SHISAL1: variants seen among roughly 807,000 people sequenced by gnomAD.
The protein encoded by SHISAL1 is shisa like 1, also known as protein shisa-like-1.
In SHISAL1, 9 loss-of-function variants were observed where a neutral mutation model predicts 22.6. The observed-to-expected ratio is 0.40, with a 90% CI of 0.24 to 0.70. The LOEUF (loss-of-function observed/expected upper bound fraction) is 0.70, where lower values mean the gene tolerates loss of function less well. Among genes scored for constraint, SHISAL1 ranks in the 30% least tolerant of loss-of-function variants. The pLI, the probability that SHISAL1 is intolerant of heterozygous loss-of-function variation, is 0.39. For synonymous variants in SHISAL1, 119 were observed against 115.4 expected (o/e 1.03, Z -0.20); for missense variants, 246 against 270.6 (o/e 0.91, Z 0.64).
At chr22:44,271,074 T>C (rs569638350) in intron 4 of SHISAL1, among the ~76,000 whole-genome samples, 2 of 152,062 alleles carry the variant, frequency 1.3e-5, no homozygotes, top group African/African-American at 4.8e-5. Flanking sequence ...ATGAGTGGGG[T>C]ACTGAGCTAG....
chr22:44,325,012 G>A, the SHISAL1 span, among the ~76,000 whole-genome samples: 3 of 152,220 alleles, frequency 2.0e-5, no homozygotes, highest in Non-Finnish European at 4.4e-5. Context: ...GGAGGCCAAG[G>A]TGGGTGGATC....
At chr22:44,290,590 C>T (rs896780887) in intron 3 of SHISAL1, among the ~76,000 whole-genome samples, 5 of 151,124 alleles carry the variant, frequency 3.3e-5, no homozygotes, top group Admixed American at 2.0e-4. Context: ...GGCCTCGGGT[C>T]CACGAGACAA....
chr22:44,273,850 G>A (rs950802480), intron 4 of SHISAL1, among the ~76,000 whole-genome samples: 3 of 151,976 alleles, frequency 2.0e-5, no homozygotes, highest in Non-Finnish European at 4.4e-5. Flanking sequence ...AAAACAAATG[G>A]GCAACTCACA....
chr22:44,316,085 G>C (rs1022266027), upstream of SHISAL1, among the ~76,000 whole-genome samples: 1 of 152,166 alleles, frequency 6.6e-6, no homozygotes, highest in African/African-American at 2.4e-5. Context: ...TCCTGCAACA[G>C]GACATGTCAT....
chr22:44,308,911 TG>T (rs67388000), intron 1 of SHISAL1, among the ~76,000 whole-genome samples: 71,132 of 151,722 alleles, frequency 0.47, 17,491 homozygotes, highest in Admixed American at 0.6. Context: ...TCTACTGTCA[TG>T]GGGGGCGGGA....
chr22:44,257,491 C>CT (rs135441), intron 4 of SHISAL1, among the ~76,000 whole-genome samples: 28,598 of 152,230 alleles, frequency 0.19, 2,753 homozygotes, highest in Admixed American at 0.24. Context: ...ATTGAGCCCT[C>CT]TGCCCTGAAC....
chr22:44,300,793 G>A (rs1601801991), intron 2 of SHISAL1, 86 bp downstream of exon 2: 3 of 1,173,120 alleles, frequency 2.6e-6, no homozygotes, highest in Non-Finnish European at 3.8e-6. Context: ...TGTGCCCCCA[G>A]AACCCCAGAT....
chr22:44,317,654 G>A (rs779826954), upstream of SHISAL1, among the ~76,000 whole-genome samples: 1 of 152,156 alleles, frequency 6.6e-6, no homozygotes, highest in Non-Finnish European at 1.5e-5. Context: ...CATGGGGGCC[G>A]AACCCCCAGG....
At chr22:44,254,108 A>G (rs562301715) in intron 4 of SHISAL1, among the ~76,000 whole-genome samples, 17 of 152,276 alleles carry the variant, frequency 1.1e-4, no homozygotes, top group African/African-American at 3.6e-4. Flanking sequence ...TATCTAGACA[A>G]TAACAAAATA....
upstream of SHISAL1, among the ~76,000 whole-genome samples, chr22:44,315,415 C>T (rs1035554342): frequency 6.6e-6 from 1 of 152,082 alleles, no homozygotes; most frequent in African/African-American, 2.4e-5. Flanking sequence ...CGTTTTTTTC[C>T]GGTTCACAGT....
the SHISAL1 span, among the ~76,000 whole-genome samples, chr22:44,329,428 G>A: frequency 2.7e-5 from 4 of 150,878 alleles, no homozygotes; most frequent in Non-Finnish European, 5.9e-5. Context: ...TGGCTCAGGA[G>A]AGCGAGAATG....
chr22:44,266,532 GT>G (rs1569211373), intron 4 of SHISAL1, among the ~76,000 whole-genome samples: 16 of 143,862 alleles, frequency 1.1e-4, no homozygotes, highest in African/African-American at 3.9e-4. Context: ...TGGGGTATGT[GT>G]GTGTGTGTGT....
intron 3 of SHISAL1, among the ~76,000 whole-genome samples, chr22:44,285,946 G>A (rs1224720029): frequency 6.6e-6 from 1 of 152,136 alleles, no homozygotes; most frequent in South Asian, 2.1e-4. Flanking sequence ...GGAATCCACT[G>A]CCCGGGCCTG....
chr22:44,255,166 A>C (rs1294335138), intron 4 of SHISAL1, among the ~76,000 whole-genome samples: 1 of 152,020 alleles, frequency 6.6e-6, no homozygotes, highest in Non-Finnish European at 1.5e-5. Flanking sequence ...CAAGAATCTA[A>C]ACACTGTATG....
intron 4 of SHISAL1, among the ~76,000 whole-genome samples, chr22:44,268,274 A>G (rs779564485): frequency 1.6e-4 from 25 of 152,336 alleles, no homozygotes; most frequent in African/African-American, 5.8e-4. Flanking sequence ...GCCTCTGTCC[A>G]TAACTCCTCC....
chr22:44,298,533 G>C (rs529794666), intron 2 of SHISAL1, among the ~76,000 whole-genome samples: 6 of 152,376 alleles, frequency 3.9e-5, no homozygotes, highest in African/African-American at 1.4e-4. Flanking sequence ...CACTGTCTGG[G>C]TCACTGCCCA....
At chr22:44,253,013 TAAAAAAA>T (rs201393616) in intron 4 of SHISAL1, among the ~76,000 whole-genome samples, 2 of 148,422 alleles carry the variant, frequency 1.3e-5, no homozygotes, top group East Asian at 4.0e-4. Flanking sequence ...ATAAAAAAAA[TAAAAAAA>T]AAGGGCAGAT....
intron 1 of SHISAL1, among the ~76,000 whole-genome samples, chr22:44,308,386 T>C (rs1014300327): frequency 1.6e-4 from 25 of 152,358 alleles, no homozygotes; most frequent in Non-Finnish European, 3.2e-4. Flanking sequence ...CTGAGGCCCC[T>C]TGTGGCCTGG....
chr22:44,277,621 C>T (rs2055248978), intron 4 of SHISAL1, among the ~76,000 whole-genome samples: 1 of 152,138 alleles, frequency 6.6e-6, no homozygotes, highest in Non-Finnish European at 1.5e-5. Flanking sequence ...TGCTGGAGAG[C>T]TGGAAACCCT....
Sources: allele counts gnomAD v4.1 joint callset (sites outside exome capture counted in the v4.1 genomes callset), GRCh38; gene constraint gnomAD v4.1.1; transcripts MANE v1.5; gene names NCBI Gene and HGNC (gene_info 2026-07-23, HGNC 2026-07-21).